Variants in SYNJ2BP observed in about 807,000 individuals in gnomAD.
The protein encoded by SYNJ2BP is synaptojanin 2 binding protein.
SYNJ2BP carries 10 observed loss-of-function variants against 16.9 expected under a neutral mutation model. The observed-to-expected ratio is 0.59, with a 90% CI of 0.36 to 1.00. The LOEUF is 1.00. Ranked by LOEUF, SYNJ2BP falls within the 50% of genes least tolerant of loss-of-function variation. The pLI, the probability that SYNJ2BP is intolerant of heterozygous loss-of-function variation, is 0.01. For missense variants in SYNJ2BP, 162 were observed against 186.7 expected, an observed-to-expected ratio of 0.87 and a Z score of 0.77; for synonymous variants, 54 against 68.4, an observed-to-expected ratio of 0.79 and a Z score of 1.04.
intron 1 of SYNJ2BP, among the ~76,000 whole-genome samples, chr14:70,390,871 C>T (rs1362672454): frequency 4.6e-5 from 7 of 152,232 alleles, no homozygotes; most frequent in African/African-American, 9.6e-5. Flanking sequence ...TGGTGGCTCA[C>T]GCCTATAATC....
intron 2 of SYNJ2BP, among the ~76,000 whole-genome samples, chr14:70,384,604 G>C (rs1384708112): frequency 6.6e-6 from 1 of 152,098 alleles, no homozygotes; most frequent in Non-Finnish European, 1.5e-5. Context: ...AGGACCTGGT[G>C]GGAGGTGACT....
At chr14:70,413,421 T>G (rs143786524) in intron 1 of SYNJ2BP, among the ~76,000 whole-genome samples, 4,761 of 152,264 alleles carry the variant, frequency 0.031, 106 homozygotes, top group Middle Eastern at 0.075. Flanking sequence ...GGTGGATCAC[T>G]TGAGGTCAGG....
At chr14:70,378,205 T>C (rs1163797170) in intron 2 of SYNJ2BP, among the ~76,000 whole-genome samples, 2 of 152,106 alleles carry the variant, frequency 1.3e-5, no homozygotes, top group African/African-American at 4.8e-5. Flanking sequence ...TCTTTCTTTC[T>C]CTCCCACTGT....
intron 1 of SYNJ2BP, among the ~76,000 whole-genome samples, chr14:70,395,760 C>T (rs957029598): frequency 6.6e-6 from 1 of 152,162 alleles, no homozygotes; most frequent in African/African-American, 2.4e-5. Flanking sequence ...CAAATAAAAA[C>T]TCTATACCCA....
chr14:70,410,759 A>C (rs1488100543), intron 1 of SYNJ2BP, among the ~76,000 whole-genome samples: 3 of 152,180 alleles, frequency 2.0e-5, no homozygotes, highest in African/African-American at 4.8e-5. Context: ...CAAACTAACA[A>C]AGGAAGAGAA....
At position 70,406,076 on chromosome 14, in the gene SYNJ2BP, C is replaced by T. The variant is rs536709921; in HGVS notation, c.64+10824G>A. On this transcript the variant is annotated intron_variant, in intron 1 of 3. Coordinates refer to ENST00000256366, the MANE Select transcript of SYNJ2BP (RefSeq NM_018373.3). Reference sequence around the variant, plus strand: ...ACTTTAACCCTTTTCCAAAAGGAACCCCTGGAAGTCCAACAGATACGTATT... The same window carrying T: ...ACTTTAACCCTTTTCCAAAAGGAACTCCTGGAAGTCCAACAGATACGTATT... Among the ~76,000 whole-genome samples, 3 of 152,206 alleles carry T rather than the reference C, an allele frequency of 2.0e-5. No homozygotes were observed. The South Asian group carries it at 6.2e-4, about 32-fold the overall frequency.
rs115809294 is a variant in SYNJ2BP, at chr14:70,406,842, T to C, written c.64+10058A>G. Reference sequence around the variant, plus strand: ...ATCCTTAAAAACCCTGATCCCTGAGTTTTCAGGGAGACTGATAATAAAACT... The same window carrying C: ...ATCCTTAAAAACCCTGATCCCTGAGCTTTCAGGGAGACTGATAATAAAACT... On this transcript the variant is annotated intron_variant, in intron 1 of 3. Transcript: ENST00000256366. Among the ~76,000 whole-genome samples, 826 of 152,244 alleles carry C rather than the reference T, an allele frequency of 5.4e-3. 12 individuals carry two copies. The highest frequency in any genetic ancestry group is 0.019 in the African/African-American group (778 of 41,544).
intron 2 of SYNJ2BP, among the ~76,000 whole-genome samples, chr14:70,386,804 G>T (rs568807203): frequency 0.052 from 7,931 of 152,210 alleles, 270 homozygotes; most frequent in African/African-American, 0.095. Flanking sequence ...ATGTGAAAGG[G>T]AAAATTCAAA....
chr14:70,406,435 T>A (rs772218545), intron 1 of SYNJ2BP, among the ~76,000 whole-genome samples: 14 of 152,146 alleles, frequency 9.2e-5, no homozygotes, highest in Admixed American at 2.0e-4. Flanking sequence ...GAAACAAAGA[T>A]AACAGCCCTT....
At chr14:70,379,132 G>C (rs1371447056) in intron 2 of SYNJ2BP, among the ~76,000 whole-genome samples, 1 of 152,130 alleles carries the variant, frequency 6.6e-6, no homozygotes, top group Admixed American at 6.5e-5. Flanking sequence ...AAGACTCTTG[G>C]TTTAAAATAC....
intron 1 of SYNJ2BP, among the ~76,000 whole-genome samples, chr14:70,413,632 G>A (rs540565594): frequency 2.9e-4 from 44 of 152,048 alleles, no homozygotes; most frequent in Admixed American, 2.2e-3. Context: ...AGTGAGACGC[G>A]TCTCAAAAAA....
At chr14:70,404,032 G>A (rs1364900861) in intron 1 of SYNJ2BP, among the ~76,000 whole-genome samples, 4 of 152,106 alleles carry the variant, frequency 2.6e-5, no homozygotes, top group East Asian at 3.8e-4. Context: ...TGTATGTAAC[G>A]TCAGGGTTTC....
intron 1 of SYNJ2BP, among the ~76,000 whole-genome samples, chr14:70,392,564 A>G (rs1888002084): frequency 6.6e-6 from 1 of 152,198 alleles, no homozygotes. Flanking sequence ...AGTTGTCAAT[A>G]AACTAATGGC....
At chr14:70,382,461 A>C (rs182221692) in intron 2 of SYNJ2BP, among the ~76,000 whole-genome samples, 12 of 152,290 alleles carry the variant, frequency 7.9e-5, no homozygotes, top group Admixed American at 3.9e-4. Flanking sequence ...TGGTTCTCAA[A>C]CTTTACTGTG....
At chr14:70,376,088 T>A (rs1887623797) in intron 2 of SYNJ2BP, among the ~76,000 whole-genome samples, 1 of 152,242 alleles carries the variant, frequency 6.6e-6, no homozygotes. Context: ...ATTTCTTCCA[T>A]GAGTGTTAAC....
In SYNJ2BP at chr14:70,388,625, A is replaced by G. The variant is rs781076430; in HGVS notation, c.65-19T>C. On this transcript the variant is annotated intron_variant, in intron 1 of 3. Transcript: ENST00000256366. ...CCCAGCCCTGAGAAAATCATGGAGGAGTAAAAAGATGGGGGTGAAGAAGAA... is the reference window on the plus strand; with the variant it reads ...CCCAGCCCTGAGAAAATCATGGAGGGGTAAAAAGATGGGGGTGAAGAAGAA... The G allele has an allele frequency of 2.4e-5, 36 of 1,472,152 alleles. No homozygotes were observed. The highest frequency in any genetic ancestry group is 3.2e-5 in the Non-Finnish European group (36 of 1,109,096). 91.2% of individuals were successfully genotyped at this position (1,472,152 alleles called of 1,614,324 possible).
rs1887518794 is a variant in SYNJ2BP, at chr14:70,371,557, T to C, written c.*1434A>G. 1 of 152,290 alleles carries C rather than the reference T, an allele frequency of 6.6e-6. No individual in the cohort carries two copies. The highest frequency in any genetic ancestry group is 6.5e-5 in the Admixed American group (1 of 15,268). The allele number at this position is 152,290 out of a possible 1,614,324, so 9.4% of individuals were successfully genotyped here. On this transcript the variant is annotated 3_prime_UTR_variant, in exon 4 of 4. Transcript: ENST00000256366. ...CCTCAGCCTCCTGAGTAGCTGGAAT[T>C]ACAGGAACGCGCCACCATGTCCAGG...
chr14:70,380,533 A>G (rs1254335794), intron 2 of SYNJ2BP, among the ~76,000 whole-genome samples: 4 of 151,806 alleles, frequency 2.6e-5, no homozygotes, highest in Non-Finnish European at 4.4e-5. Flanking sequence ...GTGGTGGCGC[A>G]CACCTGTAGT....
chr14:70,388,037 TAACTCC>T (rs935742071), intron 2 of SYNJ2BP, among the ~76,000 whole-genome samples: 1 of 152,152 alleles, frequency 6.6e-6, no homozygotes, highest in Non-Finnish European at 1.5e-5. Context: ...AAAGGACACT[TAACTCC>T]AACCTTCCTT....
Sources: gnomAD v4.1 joint callset for allele counts (sites outside exome capture counted in the v4.1 genomes callset) on GRCh38, gnomAD v4.1.1 for gene constraint, MANE v1.5 for transcripts, NCBI Gene and HGNC (gene_info 2026-07-23, HGNC 2026-07-21) for gene names.